DOCK6: variants seen among roughly 807,000 people sequenced by gnomAD.
The protein encoded by DOCK6 is dedicator of cytokinesis protein 6.
Under a neutral mutation model 230.3 loss-of-function variants are expected in DOCK6, and 167 were observed. The ratio of observed to expected loss-of-function variants is 0.73; its 90% CI spans 0.64 to 0.82. The LOEUF is 0.82. Among genes scored for constraint, DOCK6 ranks in the 40% least tolerant of loss-of-function variants. The pLI is 0.00. For synonymous variants in DOCK6, 1,148 were observed against 1,185.0 expected (o/e 0.97, Z 0.64); for missense variants, 2,598 against 2,825.8 (o/e 0.92, Z 1.83).
intron 39 of DOCK6, chr19:11,206,444 C>G (rs2079262039): frequency 6.6e-6 from 1 of 151,422 alleles, no homozygotes; most frequent in Non-Finnish European, 1.5e-5. Flanking sequence ...GTGGTGCGCA[C>G]TTATAGTCCC....
In DOCK6 at chr19:11,248,071, C is replaced by T. The variant is rs901597659; in HGVS notation, c.801G>A (p.Ser267=). ...AGACATGTCAGTATACTCACTTGAG[C>T]GACAGACACTTGACCAAGATCCTTT... ...FGQRILVKCL[S]LKFEIEIEPI... is the part of the protein sequence containing the mutation. Residue 267 remains serine, a synonymous_variant, in exon 7 of 48, where the codon TCG becomes TCA. Coordinates refer to ENST00000294618, the MANE Select transcript of DOCK6 (RefSeq NM_020812.4). 6.2e-7 allele frequency: 1 copy of T among 1,611,598 alleles called. No homozygotes were observed. Among genetic ancestry groups the T allele is most frequent in the East Asian group, 2.2e-5 (1 of 44,852 alleles).
chr19:11,250,275 T>C (rs932681828), intron 6 of DOCK6, among the ~76,000 whole-genome samples: 7 of 151,184 alleles, frequency 4.6e-5, no homozygotes, highest in Non-Finnish European at 1.0e-4. Context: ...CCTCCCAAAG[T>C]GCTGGGATTA....
chr19:11,229,442 G>T (rs1363299797), intron 22 of DOCK6: 1 of 935,290 alleles, frequency 1.1e-6, no homozygotes, highest in East Asian at 1.0e-4. Flanking sequence ...GAGGTGAAGG[G>T]GTATGTGGTT....
chr19:11,211,953 A>G (rs1340753190), intron 36 of DOCK6, 40 bp downstream of exon 36: 1 of 1,512,404 alleles, frequency 6.6e-7, no homozygotes, highest in Non-Finnish European at 9.0e-7. Flanking sequence ...GTTGGGAGTT[A>G]TATGAAGGGG....
At chr19:11,217,494 C>A in intron 28 of DOCK6, 103 bp from the exon 29 acceptor site, 2 of 1,436,644 alleles carry the variant, frequency 1.4e-6, no homozygotes, top group Non-Finnish European at 9.5e-7. Flanking sequence ...CAGTGGCTCA[C>A]GCCTGTAATA....
At position 11,213,296 on chromosome 19, in the gene DOCK6, C is replaced by G; in HGVS notation, c.4371G>C (p.Glu1457Asp). ...FPELLFEEDTELCADLCLRLL... is the reference protein window; with the variant it reads ...FPELLFEEDTDLCADLCLRLL... ...GCCTCAGGCACAGGTCGGCACACAG[C>G]TCCGTGTCCTCCTCGAACAGCAGCT... The change falls in exon 35 of 48, where the codon GAG becomes GAC. Residue 1457 changes from glutamate to aspartate, a missense_variant. Transcript: ENST00000294618. 1 of 1,612,480 alleles carries G rather than the reference C, an allele frequency of 6.2e-7. No individual in the cohort carries two copies. Among genetic ancestry groups the G allele is most frequent in the Non-Finnish European group, 8.5e-7 (1 of 1,179,850 alleles).
intron 6 of DOCK6, among the ~76,000 whole-genome samples, chr19:11,250,652 A>G (rs2080102922): frequency 6.6e-6 from 1 of 152,128 alleles, no homozygotes; most frequent in African/African-American, 2.4e-5. Context: ...TAGGCACCCA[A>G]TAAATGCTGG....
Position 11,222,835 on chromosome 19 carries a change from A to G in DOCK6, c.3140T>C (p.Ile1047Thr). The change falls in exon 26 of 48, where the codon ATC (isoleucine) becomes ACC (threonine). Residue 1047 changes from isoleucine (I) to threonine (T), a missense_variant. Ile to Thr is a moderately conservative substitution (Grantham distance 89). Coordinates refer to ENST00000294618, the MANE Select transcript of DOCK6 (RefSeq NM_020812.4). This position sits in a 1 kb window ranked among gnomAD's most constrained non-coding sequence, Gnocchi z 4.0. ...LLTLRMEFTR[I>T]LCSHEHYVTL... is the part of the protein sequence containing the mutation. ...CACGTAGTGCTCGTGGCTGCACAGGATGCGGGTGAATTCCATGCGCAGGGT... is the reference window on the plus strand; with the variant it reads ...CACGTAGTGCTCGTGGCTGCACAGGGTGCGGGTGAATTCCATGCGCAGGGT... The G allele has an allele frequency of 6.2e-7, 1 of 1,600,548 alleles. No homozygotes were observed. The highest frequency in any genetic ancestry group is 8.5e-7 in the Non-Finnish European group (1 of 1,174,058).
rs952723831 is a variant in DOCK6, at chr19:11,213,077, A to C, written c.4491+99T>G. 9 of 1,470,370 alleles carry C rather than the reference A, an allele frequency of 6.1e-6. 1 individual carries two copies. The Admixed American group carries it at 1.8e-4, about 30-fold the overall frequency. 91.1% of individuals were successfully genotyped at this position (1,470,370 alleles called of 1,614,324 possible). A position where few individuals can be genotyped will look rare whatever the true frequency, so the allele number is the denominator to read the frequency against. The stretch of plus-strand genomic sequence containing the variant: ...GCCCTCCTCCTGCTCATTATGCTCA[A>C]TGACTGTCTCCCCCTCCCTCACTCC... On this transcript the variant is annotated intron_variant, in intron 35 of 47. Coordinates refer to ENST00000294618, the MANE Select transcript of DOCK6 (RefSeq NM_020812.4).
chr19:11,252,093 G>A (rs371312905), intron 5 of DOCK6, 26 bp downstream of exon 5: 113 of 1,579,424 alleles, frequency 7.2e-5, no homozygotes, highest in Admixed American at 1.1e-4. Flanking sequence ...TACCCCTTCA[G>A]TGACCCCAGC....
intron 16 of DOCK6, 95 bp downstream of exon 16, chr19:11,237,950 C>A: frequency 6.8e-7 from 1 of 1,472,010 alleles, no homozygotes; most frequent in Non-Finnish European, 9.3e-7. Flanking sequence ...TCCTGTCCCC[C>A]ATCTTCCCAT....
intron 28 of DOCK6, among the ~76,000 whole-genome samples, chr19:11,218,331 G>A (rs1205094592): frequency 6.6e-6 from 1 of 152,156 alleles, no homozygotes; most frequent in Non-Finnish European, 1.5e-5. Flanking sequence ...ATTTTTAGTA[G>A]AGATGGGGTT....
chr19:11,226,675 C>T (rs927126435), intron 24 of DOCK6, among the ~76,000 whole-genome samples: 1 of 151,956 alleles, frequency 6.6e-6, no homozygotes. Flanking sequence ...AAAACAACAA[C>T]AAAAAAATGA....
At chr19:11,231,119 C>T (rs2079759217) in intron 22 of DOCK6, among the ~76,000 whole-genome samples, 2 of 152,166 alleles carry the variant, frequency 1.3e-5, no homozygotes, top group South Asian at 4.1e-4. Flanking sequence ...CTAGGAGTCC[C>T]CTGGGCCTGT....
At chr19:11,237,953 C>T in intron 16 of DOCK6, 92 bp downstream of exon 16, 1 of 1,483,360 alleles carries the variant, frequency 6.7e-7, no homozygotes, top group Non-Finnish European at 9.2e-7. Flanking sequence ...TGTCCCCCAT[C>T]TTCCCATCGA....
intron 4 of DOCK6, 28 bp downstream of exon 4, chr19:11,252,454 C>A: frequency 3.1e-6 from 5 of 1,613,414 alleles, no homozygotes; most frequent in Non-Finnish European, 4.2e-6. Flanking sequence ...GTTCCGAACC[C>A]CCTGAGCTGC....
At chr19:11,248,686 T>C (rs1398945406) in intron 6 of DOCK6, among the ~76,000 whole-genome samples, 6 of 152,226 alleles carry the variant, frequency 3.9e-5, no homozygotes, top group Admixed American at 1.3e-4. Context: ...TGAGGGACAA[T>C]TACCAGCACC....
At chr19:11,261,842 TC>T (rs55855253) in intron 1 of DOCK6, among the ~76,000 whole-genome samples, 113 of 138,084 alleles carry the variant, frequency 8.2e-4, no homozygotes, top group Non-Finnish European at 1.1e-3. Context: ...CTGTCCCCCT[TC>T]CCCCCCCCCG....
Position 11,202,727 on chromosome 19 carries a change from G to T in DOCK6, c.5236-18C>A, listed in dbSNP as rs765971826. On this transcript the variant is annotated intron_variant, in intron 41 of 47. Transcript: ENST00000294618. This position sits in a 1 kb window ranked among gnomAD's most constrained non-coding sequence, Gnocchi z 5.3. Reference sequence around the variant, plus strand: ...AACACGCGCTGGGGCTGTGAGAAAGGGTGTGGTTGTCCGGGAGGCCCCTGC... The same window carrying T: ...AACACGCGCTGGGGCTGTGAGAAAGTGTGTGGTTGTCCGGGAGGCCCCTGC... The T allele has an allele frequency of 7.4e-6, 12 of 1,613,022 alleles. No homozygotes were observed. In the East Asian group the frequency reaches 2.7e-4, roughly 36 times the overall value.
Sources: allele counts gnomAD v4.1 joint callset (sites outside exome capture counted in the v4.1 genomes callset), GRCh38; gene constraint gnomAD v4.1.1; non-coding constraint Gnocchi (gnomAD v3.1); transcripts MANE v1.5; gene names NCBI Gene and HGNC (gene_info 2026-07-23, HGNC 2026-07-21).